Variants in NRXN3 observed in about 807,000 individuals in gnomAD.
NRXN3 encodes the protein neurexin 3.
NRXN3 carries 32 observed loss-of-function variants against 137.6 expected under a neutral mutation model. The ratio of observed to expected loss-of-function variants is 0.23; its 90% CI spans 0.18 to 0.31. NRXN3 has a LOEUF of 0.31. Ranked by LOEUF, NRXN3 falls within the 10% of genes least tolerant of loss-of-function variation. The probability of loss-of-function intolerance (pLI) is 1.00; values close to 1 mark genes in which losing one functional copy is unlikely to be tolerated. For missense variants in NRXN3, 1,574 were observed against 2,062.5 expected (o/e 0.76, Z 4.59); for synonymous variants, 798 against 784.5 (o/e 1.02, Z -0.29).
chr14:78,899,998 CTG>C (rs1413767893), intron 10 of NRXN3, among the ~76,000 whole-genome samples: 1 of 151,992 alleles, frequency 6.6e-6, no homozygotes, highest in African/African-American at 2.4e-5. Flanking sequence ...CCTAGGAACA[CTG>C]TTTCCTCAAT....
chr14:78,376,003 T>TACAC (rs10623539), intron 4 of NRXN3, among the ~76,000 whole-genome samples: 4,444 of 146,776 alleles, frequency 0.03, 133 homozygotes, highest in East Asian at 0.14. Flanking sequence ...TCCTCCTTGA[T>TACAC]ACACACACAC....
intron 15 of NRXN3, among the ~76,000 whole-genome samples, chr14:79,408,340 T>A (rs954155315): frequency 1.3e-5 from 2 of 152,134 alleles, no homozygotes; most frequent in African/African-American, 4.8e-5. Flanking sequence ...CAACCTAAAT[T>A]TTCTAGGACG....
At chr14:78,294,555 CAAAAAAAA>C (rs199592742) in intron 3 of NRXN3, among the ~76,000 whole-genome samples, 1 of 106,460 alleles carries the variant, frequency 9.4e-6, no homozygotes, top group Non-Finnish European at 1.8e-5. Context: ...GATTCCGTCT[CAAAAAAAA>C]AAAAAAAAAA....
chr14:78,950,864 A>G (rs1003466395), intron 10 of NRXN3, among the ~76,000 whole-genome samples: 1 of 152,168 alleles, frequency 6.6e-6, no homozygotes, highest in African/African-American at 2.4e-5. Context: ...CATAGGAGAG[A>G]CACAATACCA....
At chr14:79,176,418 T>C (rs975687673) in intron 15 of NRXN3, among the ~76,000 whole-genome samples, 7 of 152,224 alleles carry the variant, frequency 4.6e-5, no homozygotes, top group Non-Finnish European at 1.0e-4. Context: ...AGAAAACCTC[T>C]AGCCTATGGT....
chr14:78,232,652 C>T (rs1277361444), intron 1 of NRXN3, among the ~76,000 whole-genome samples: 1 of 152,172 alleles, frequency 6.6e-6, no homozygotes, highest in Non-Finnish European at 1.5e-5. Flanking sequence ...TTTTTTCTCT[C>T]TCCCCCAGCC....
At chr14:78,629,049 A>T (rs1353272542) in intron 4 of NRXN3, among the ~76,000 whole-genome samples, 2 of 152,204 alleles carry the variant, frequency 1.3e-5, no homozygotes, top group African/African-American at 4.8e-5. Context: ...TGAAGATTCT[A>T]TGAAACATTA....
chr14:78,803,291 A>C (rs1004726735), intron 8 of NRXN3, among the ~76,000 whole-genome samples: 3 of 152,234 alleles, frequency 2.0e-5, no homozygotes, highest in Non-Finnish European at 4.4e-5. Flanking sequence ...AATTGCAAAC[A>C]ATACTATTTG....
chr14:79,177,585 G>C (rs144040361), intron 15 of NRXN3, among the ~76,000 whole-genome samples: 333 of 152,214 alleles, frequency 2.2e-3, no homozygotes, highest in African/African-American at 7.0e-3. Context: ...CTGCAATCTA[G>C]GGTTTCTGAG....
chr14:79,759,607 T>G (rs539472447), intron 19 of NRXN3, among the ~76,000 whole-genome samples: 1 of 151,842 alleles, frequency 6.6e-6, no homozygotes, highest in Non-Finnish European at 1.5e-5. Flanking sequence ...AAGGAAAAAC[T>G]TGAAGTCATA....
intron 4 of NRXN3, among the ~76,000 whole-genome samples, chr14:78,549,080 A>G (rs1006337005): frequency 6.6e-6 from 1 of 152,118 alleles, no homozygotes; most frequent in East Asian, 1.9e-4. Flanking sequence ...GCGAGCGAAG[A>G]TTTGAGGGCC....
intron 2 of NRXN3, among the ~76,000 whole-genome samples, chr14:78,248,149 C>G (rs1326828456): frequency 6.6e-6 from 1 of 152,154 alleles, no homozygotes; most frequent in East Asian, 1.9e-4. Context: ...GGTGCCCAGA[C>G]CAGAAGCGGT....
intron 4 of NRXN3, among the ~76,000 whole-genome samples, chr14:78,515,381 A>C (rs1380507300): frequency 3.9e-5 from 6 of 152,038 alleles, no homozygotes; most frequent in African/African-American, 7.2e-5. Context: ...TTAAAGCGTT[A>C]AGGTTTGGCT....
chr14:79,670,618 G>A (rs1430021023), intron 17 of NRXN3, among the ~76,000 whole-genome samples: 1 of 152,054 alleles, frequency 6.6e-6, no homozygotes, highest in African/African-American at 2.4e-5. Context: ...CCTTTCTTAA[G>A]CTATATTTGT....
intron 15 of NRXN3, among the ~76,000 whole-genome samples, chr14:79,157,771 G>A (rs1449310443): frequency 6.6e-6 from 1 of 151,700 alleles, no homozygotes; most frequent in Non-Finnish European, 1.5e-5. Context: ...TACTTTGTTG[G>A]GAAGGATGAT....
intron 10 of NRXN3, among the ~76,000 whole-genome samples, chr14:78,873,255 C>T (rs2099105624): frequency 6.6e-6 from 1 of 152,166 alleles, no homozygotes; most frequent in Non-Finnish European, 1.5e-5. Flanking sequence ...TGACATTTCT[C>T]CTCTGCTATT....
intron 4 of NRXN3, among the ~76,000 whole-genome samples, chr14:78,494,065 A>G (rs2095719793): frequency 6.6e-6 from 1 of 152,198 alleles, no homozygotes; most frequent in Non-Finnish European, 1.5e-5. Context: ...TAGCCATTTT[A>G]AAGAGACTGC....
intron 15 of NRXN3, among the ~76,000 whole-genome samples, chr14:79,369,559 G>C (rs1413425479): frequency 6.6e-6 from 1 of 152,188 alleles, no homozygotes; most frequent in Admixed American, 6.5e-5. Flanking sequence ...AATTTTGATT[G>C]TACAAGTTTT....
intron 15 of NRXN3, among the ~76,000 whole-genome samples, chr14:79,036,668 G>T (rs2099616642): frequency 7.0e-6 from 1 of 143,658 alleles, no homozygotes; most frequent in South Asian, 2.3e-4. Flanking sequence ...AGATAAATTG[G>T]TAGCAGATTG....
Sources: gnomAD v4.1 joint callset for allele counts (sites outside exome capture counted in the v4.1 genomes callset) on GRCh38, gnomAD v4.1.1 for gene constraint, MANE v1.5 for transcripts, NCBI Gene and HGNC (gene_info 2026-07-23, HGNC 2026-07-21) for gene names.